LRRC4C: variants seen among roughly 807,000 people sequenced by gnomAD.
The protein encoded by LRRC4C is leucine-rich repeat-containing protein 4C.
In LRRC4C, 5 loss-of-function variants were observed where a neutral mutation model predicts 33.6. The observed-to-expected ratio is 0.15, with a 90% CI of 0.08 to 0.31. The LOEUF is 0.31. Ranked by LOEUF, LRRC4C falls within the 10% of genes least tolerant of loss-of-function variation. LRRC4C has a pLI of 1.00. For synonymous variants in LRRC4C, 329 were observed against 302.0 expected (o/e 1.09, Z -0.93); for missense variants, 560 against 796.7 (o/e 0.70, Z 3.58).
At chr11:40,397,594 G>T (rs1313428816) in intron 3 of LRRC4C, among the ~76,000 whole-genome samples, 1 of 152,070 alleles carries the variant, frequency 6.6e-6, no homozygotes, top group African/African-American at 2.4e-5. Context: ...GAAGTAGTTG[G>T]TGGGTAAAAA....
At chr11:41,062,697 A>C (rs748133430) in intron 1 of LRRC4C, among the ~76,000 whole-genome samples, 1 of 152,184 alleles carries the variant, frequency 6.6e-6, no homozygotes, top group Non-Finnish European at 1.5e-5. Context: ...AGAAACTTGG[A>C]ATGTGACATT....
At chr11:40,139,229 T>C (rs1280368102) in intron 6 of LRRC4C, among the ~76,000 whole-genome samples, 1 of 152,180 alleles carries the variant, frequency 6.6e-6, no homozygotes, top group African/African-American at 2.4e-5. Flanking sequence ...CAATGCTGCA[T>C]ATAGCCTCAA....
At chr11:41,308,809 CTTT>C (rs887237352) in intron 1 of LRRC4C, among the ~76,000 whole-genome samples, 1 of 142,688 alleles carries the variant, frequency 7.0e-6, no homozygotes, top group Admixed American at 7.0e-5. Context: ...CTCTTTTTTT[CTTT>C]TTTTTTTTTT....
intron 3 of LRRC4C, among the ~76,000 whole-genome samples, chr11:40,428,262 C>CT (rs1056403963): frequency 2.6e-5 from 4 of 151,896 alleles, no homozygotes; most frequent in Admixed American, 2.0e-4. Context: ...CTACACAGGA[C>CT]TTTTTTTTGA....
intron 3 of LRRC4C, among the ~76,000 whole-genome samples, chr11:40,341,468 A>G (rs933591210): frequency 1.5e-5 from 2 of 137,366 alleles, no homozygotes; most frequent in Non-Finnish European, 3.1e-5. Context: ...CAAACACTGC[A>G]TGTTCTCACT....
At chr11:40,712,385 T>C (rs574878265) in intron 2 of LRRC4C, among the ~76,000 whole-genome samples, 2 of 152,280 alleles carry the variant, frequency 1.3e-5, no homozygotes, top group South Asian at 2.1e-4. Flanking sequence ...AACCTATATG[T>C]AGGAAGCTTT....
chr11:40,542,296 T>C (rs963876585), intron 3 of LRRC4C, among the ~76,000 whole-genome samples: 1 of 152,082 alleles, frequency 6.6e-6, no homozygotes, highest in African/African-American at 2.4e-5. Context: ...GGGATAACTG[T>C]GATTTTTTCA....
At chr11:40,936,028 AT>A (rs1957871034) in intron 1 of LRRC4C, among the ~76,000 whole-genome samples, 3 of 48,370 alleles carry the variant, frequency 6.2e-5, no homozygotes, top group African/African-American at 8.6e-5. Context: ...ATATATATAT[AT>A]ATATATATAT....
chr11:41,260,144 C>T (rs553306575), intron 1 of LRRC4C, among the ~76,000 whole-genome samples: 18 of 152,070 alleles, frequency 1.2e-4, no homozygotes, highest in Non-Finnish European at 2.2e-4. Context: ...AGTAGTCTGT[C>T]GTCTGTCATT....
At chr11:40,498,804 T>G (rs10450566) in intron 3 of LRRC4C, among the ~76,000 whole-genome samples, 5,887 of 152,268 alleles carry the variant, frequency 0.039, 260 homozygotes, top group African/African-American at 0.11. Flanking sequence ...GTATGCAAAT[T>G]TAAATATACA....
chr11:40,160,886 A>G (rs1343962238), intron 5 of LRRC4C, among the ~76,000 whole-genome samples: 1 of 152,198 alleles, frequency 6.6e-6, no homozygotes, highest in Non-Finnish European at 1.5e-5. Context: ...ATAGAAGACT[A>G]TGTGACAACA....
At chr11:41,160,810 C>T (rs1449503577) in intron 1 of LRRC4C, among the ~76,000 whole-genome samples, 1 of 151,908 alleles carries the variant, frequency 6.6e-6, no homozygotes, top group Non-Finnish European at 1.5e-5. Flanking sequence ...CTATGAAAAC[C>T]CAGAGAAGGA....
chr11:41,038,605 A>T (rs2137934452), intron 1 of LRRC4C, among the ~76,000 whole-genome samples: 1 of 152,308 alleles, frequency 6.6e-6, no homozygotes, highest in African/African-American at 2.4e-5. Flanking sequence ...AATCAAAAAT[A>T]GAATATTTAA....
At chr11:40,352,971 A>G in intron 3 of LRRC4C, among the ~76,000 whole-genome samples, 1 of 151,824 alleles carries the variant, frequency 6.6e-6, no homozygotes, top group East Asian at 1.9e-4. Context: ...TTTGTATGTT[A>G]TTTGTTTCTT....
intron 1 of LRRC4C, among the ~76,000 whole-genome samples, chr11:40,967,256 C>A (rs542913306): frequency 6.6e-6 from 1 of 151,612 alleles, no homozygotes; most frequent in Non-Finnish European, 1.5e-5. Flanking sequence ...GAAGACAGAG[C>A]AAAAGGGACA....
chr11:41,317,136 C>A (rs1234678636), intron 1 of LRRC4C, among the ~76,000 whole-genome samples: 4 of 152,220 alleles, frequency 2.6e-5, no homozygotes, highest in African/African-American at 9.6e-5. Context: ...GTATTAAATT[C>A]CCAGCTTCAC....
rs528321790 is a variant in LRRC4C at position 40,923,342 on chromosome 11, C to T, written c.-407+10293G>A. Among the ~76,000 whole-genome samples, 27 of 152,180 alleles carry T rather than the reference C, an allele frequency of 1.8e-4. No individual in the cohort carries two copies. The East Asian group carries it at 5.2e-3, about 29-fold the overall frequency. On this transcript the variant is annotated intron_variant, in intron 2 of 6. Transcript: ENST00000528697. ...TGTGTTAGTCCTTGTATGATTAACC[C>T]AATATTTATTGTTCTTTTTTCCAGA...
chr11:40,376,362 T>C (rs2137302435), intron 3 of LRRC4C, among the ~76,000 whole-genome samples: 1 of 152,234 alleles, frequency 6.6e-6, no homozygotes, highest in East Asian at 1.9e-4. Context: ...TCCCTGGTGC[T>C]TTTATATAGA....
intron 5 of LRRC4C, among the ~76,000 whole-genome samples, chr11:40,214,960 T>C (rs1395598550): frequency 6.6e-6 from 1 of 152,166 alleles, no homozygotes; most frequent in Non-Finnish European, 1.5e-5. Context: ...TGGTACTCCC[T>C]GGAGTTGTAC....
Sources: allele counts gnomAD v4.1 joint callset (sites outside exome capture counted in the v4.1 genomes callset), GRCh38; gene constraint gnomAD v4.1.1; transcripts MANE v1.5; gene names NCBI Gene and HGNC (gene_info 2026-07-23, HGNC 2026-07-21).